PPP1R3A: variants seen among roughly 807,000 people sequenced by gnomAD.
PPP1R3A encodes the protein protein phosphatase 1 regulatory subunit 3A.
PPP1R3A carries 29 observed loss-of-function variants against 41.7 expected under a neutral mutation model. The observed-to-expected ratio is 0.70, with a 90% CI of 0.52 to 0.95. PPP1R3A has a LOEUF of 0.95. PPP1R3A is among the 40% of genes least tolerant of loss of function. The pLI, the probability that PPP1R3A is intolerant of heterozygous loss-of-function variation, is 0.00. For missense variants in PPP1R3A, 1,352 were observed against 1,292.4 expected, an observed-to-expected ratio of 1.05 and a Z score of -0.71; for synonymous variants, 485 against 453.4, an observed-to-expected ratio of 1.07 and a Z score of -0.89.
chr7:113,887,514 G>T (rs1796805618), intron 1 of PPP1R3A, among the ~76,000 whole-genome samples: 1 of 152,036 alleles, frequency 6.6e-6, no homozygotes, highest in Non-Finnish European at 1.5e-5. Context: ...ATTACTATAA[G>T]TGATAAGTAT....
At chr7:113,910,526 A>G (rs1405137962) in intron 1 of PPP1R3A, among the ~76,000 whole-genome samples, 1 of 152,062 alleles carries the variant, frequency 6.6e-6, no homozygotes, top group African/African-American at 2.4e-5. Context: ...TGACTTTTTA[A>G]AACTTCAATT....
chr7:113,886,739 C>G (rs1562919590), intron 1 of PPP1R3A, among the ~76,000 whole-genome samples: 1 of 152,024 alleles, frequency 6.6e-6, no homozygotes, highest in South Asian at 2.1e-4. Flanking sequence ...AGAGGCCACT[C>G]TGAAATTCAA....
At chr7:113,883,178 T>C (rs893030410) in intron 1 of PPP1R3A, among the ~76,000 whole-genome samples, 2 of 152,034 alleles carry the variant, frequency 1.3e-5, no homozygotes, top group Admixed American at 1.3e-4. Flanking sequence ...TGTATAGTTA[T>C]GTCACAAGTC....
In PPP1R3A at chr7:113,878,653, A is replaced by G. The variant is rs1451312048; in HGVS notation, c.2439T>C (p.Arg813=). ...TTTCTTCCTTCTCCATTTCATCTAC[A>G]CGTACATTACAAATACCTAAACGTG... ...KESRLGICNV[R]VDEMEKEETM... is the part of the protein sequence containing the mutation. The change falls in exon 4 of 4, where the codon CGT becomes CGC. Residue 813 remains arginine (R), a synonymous_variant. Transcript: ENST00000284601. The G allele has an allele frequency of 6.2e-7, 1 of 1,613,270 alleles. No homozygotes were observed. Among genetic ancestry groups the G allele is most frequent in the Non-Finnish European group, 8.5e-7 (1 of 1,179,672 alleles).
rs187216537 is a variant in PPP1R3A at position 113,890,220 on chromosome 7, T to C, written c.783-7900A>G. 3.7e-3 allele frequency among the ~76,000 whole-genome samples: 570 copies of C among 152,246 alleles called. 14 individuals carry two copies. The highest frequency in any genetic ancestry group is 6.6e-3 in the South Asian group (32 of 4,830). ...CACAAATTCAAACCCAAACAGTGCC[T>C]CTCAAAATGTGGTTCACAGACCTCC... On this transcript the variant is annotated intron_variant, in intron 1 of 3. Transcript: ENST00000284601.
intron 1 of PPP1R3A, among the ~76,000 whole-genome samples, chr7:113,892,568 T>A (rs908613405): frequency 1.3e-5 from 2 of 152,074 alleles, no homozygotes; most frequent in African/African-American, 4.8e-5. Flanking sequence ...CTGGCTAGTC[T>A]TCTCTTGATC....
chr7:113,896,103 T>C (rs1355438739), intron 1 of PPP1R3A, among the ~76,000 whole-genome samples: 1 of 23,770 alleles, frequency 4.2e-5, no homozygotes, highest in Non-Finnish European at 9.2e-5. Flanking sequence ...TGTCAGAGAC[T>C]AGTTGGGGAT....
intron 1 of PPP1R3A, among the ~76,000 whole-genome samples, chr7:113,888,501 A>G (rs1389731595): frequency 6.6e-6 from 1 of 152,214 alleles, no homozygotes; most frequent in Non-Finnish European, 1.5e-5. Flanking sequence ...AGCCGCATTC[A>G]TCAGAATTAG....
At chr7:113,899,159 C>T in intron 1 of PPP1R3A, among the ~76,000 whole-genome samples, 1 of 151,836 alleles carries the variant, frequency 6.6e-6, no homozygotes, top group East Asian at 2.0e-4. Context: ...CTTAAAAATT[C>T]TCCCTTAAAA....
rs765418748 is a variant in PPP1R3A at position 113,918,469 on chromosome 7, A to G, written c.528T>C (p.Tyr176=). The change falls in exon 1 of 4, where the codon TAT becomes TAC. Residue 176 remains tyrosine (Y), a synonymous_variant. Coordinates refer to ENST00000284601, the MANE Select transcript of PPP1R3A (RefSeq NM_002711.4). The part of the protein sequence containing the change: ...WQTHYDILAE[Y]VPNSCDGETD... ...TTTCACCATCACATGAATTAGGAAC[A>G]TATTCTGCTAAAATGTCATAATGTG... 6.2e-7 allele frequency: 1 copy of G among 1,613,310 alleles called. No homozygotes were observed. Among genetic ancestry groups the G allele is most frequent in the Non-Finnish European group, 8.5e-7 (1 of 1,179,672 alleles).
At position 113,895,921 on chromosome 7, in the gene PPP1R3A, C is replaced by A. The variant is rs191140607; in HGVS notation, c.783-13601G>T. ...AATGCACCTTTTTGTCAATTCTTCA[C>A]AATAGTATTACAAAAGGAAGAGAAG... is the stretch of plus-strand genomic sequence containing the variant. On this transcript the variant is annotated intron_variant, in intron 1 of 3. Transcript: ENST00000284601. Among the ~76,000 whole-genome samples the A allele has an allele frequency of 2.0e-5, 3 of 151,740 alleles. No individual in the cohort carries two copies. The South Asian group carries it at 6.2e-4, about 31-fold the overall frequency.
chr7:113,900,004 A>G (rs186289030), intron 1 of PPP1R3A, among the ~76,000 whole-genome samples: 20 of 151,930 alleles, frequency 1.3e-4, no homozygotes, highest in Admixed American at 2.6e-4. Flanking sequence ...CTAAGTCTAT[A>G]AAACAATTAA....
At chr7:113,914,344 T>A (rs1008604154) in intron 1 of PPP1R3A, among the ~76,000 whole-genome samples, 1 of 152,184 alleles carries the variant, frequency 6.6e-6, no homozygotes, top group South Asian at 2.1e-4. Flanking sequence ...TATGCATGTC[T>A]GTTCAATCCT....
chr7:113,881,846 C>T (rs200295670), intron 3 of PPP1R3A, among the ~76,000 whole-genome samples, 193 bp downstream of exon 3: 1 of 152,090 alleles, frequency 6.6e-6, no homozygotes, highest in East Asian at 1.9e-4. Flanking sequence ...TAATTTACCA[C>T]TGCAGAGACC....
intron 1 of PPP1R3A, among the ~76,000 whole-genome samples, chr7:113,906,819 A>G (rs1334473340): frequency 6.6e-6 from 1 of 151,760 alleles, no homozygotes; most frequent in Non-Finnish European, 1.5e-5. Context: ...GAACTTGGGA[A>G]AAAGGTCACA....
chr7:113,905,988 G>A (rs1287517276), intron 1 of PPP1R3A, among the ~76,000 whole-genome samples: 1 of 151,772 alleles, frequency 6.6e-6, no homozygotes, highest in Non-Finnish European at 1.5e-5. Context: ...CTTTTGAGAT[G>A]TTAGAATTAC....
At chr7:113,895,817 C>T (rs561883148) in intron 1 of PPP1R3A, among the ~76,000 whole-genome samples, 11 of 152,000 alleles carry the variant, frequency 7.2e-5, no homozygotes, top group Non-Finnish European at 1.0e-4. Context: ...AAGTTTTCTA[C>T]GCAGATTCAG....
chr7:113,886,407 C>A (rs2129115423), intron 1 of PPP1R3A, among the ~76,000 whole-genome samples: 1 of 152,218 alleles, frequency 6.6e-6, no homozygotes, highest in Non-Finnish European at 1.5e-5. Context: ...TGCCTGCTGC[C>A]ACCCATGTAA....
At chr7:113,902,351 T>C (rs1015714499) in intron 1 of PPP1R3A, among the ~76,000 whole-genome samples, 2 of 151,998 alleles carry the variant, frequency 1.3e-5, no homozygotes, top group South Asian at 4.1e-4. Context: ...TACATTTTAA[T>C]ATACTGTTTA....
Sources: allele counts gnomAD v4.1 joint callset (sites outside exome capture counted in the v4.1 genomes callset), GRCh38; gene constraint gnomAD v4.1.1; transcripts MANE v1.5; gene names NCBI Gene and HGNC (gene_info 2026-07-23, HGNC 2026-07-21).